The following FREM1 variants were observed in gnomAD, a reference collection of about 807,000 sequenced individuals.
FREM1 encodes FRAS1 related extracellular matrix 1.
A neutral mutation model predicts 210.1 loss-of-function variants in FREM1; 220 were observed. That is an observed-to-expected ratio of 1.05 (90% CI 0.94 to 1.17). The LOEUF is 1.17. FREM1 is among the 50% of genes most tolerant of loss of function. The probability of loss-of-function intolerance (pLI) is 0.00; values close to 1 mark genes in which losing one functional copy is unlikely to be tolerated. For synonymous variants in FREM1, 1,189 were observed against 980.2 expected, an observed-to-expected ratio of 1.21 and a Z score of -3.98; for missense variants, 3,454 against 2,675.5, an observed-to-expected ratio of 1.29 and a Z score of -6.42.
Position 14,806,679 on chromosome 9 carries a change from T to G in FREM1, c.3256A>C (p.Asn1086His). The part of the protein sequence containing the change: ...ILPSVGFEKS[N>H]IGISIDSFQW... The stretch of plus-strand genomic sequence containing the variant: ...AGCTTACCTATACTTATGCCAATAT[T>G]GCTTTTTTCAAAACCCACAGAAGGG... The change falls in exon 18 of 37, where the codon AAT becomes CAT. Residue 1086 changes from asparagine (N) to histidine (H), a missense_variant. Physicochemically the swap from Asn to His is moderately conservative, Grantham distance 68 (BLOSUM62 1). Transcript: ENST00000380880. The G allele has an allele frequency of 1.3e-6, 2 of 1,595,040 alleles. No homozygotes were observed. Among genetic ancestry groups the G allele is most frequent in the Non-Finnish European group, 1.7e-6 (2 of 1,168,506 alleles).
At chr9:14,786,884 G>A (rs1850504061) in intron 23 of FREM1, among the ~76,000 whole-genome samples, 1 of 152,118 alleles carries the variant, frequency 6.6e-6, no homozygotes. Context: ...ATTAGGTGGG[G>A]GAAACACAAA....
intron 24 of FREM1, among the ~76,000 whole-genome samples, chr9:14,780,648 T>G (rs1849515402): frequency 6.6e-6 from 1 of 152,106 alleles, no homozygotes; most frequent in African/African-American, 2.4e-5. Flanking sequence ...AGGTAAAATC[T>G]GACTATTAAA....
At chr9:14,827,675 G>T (rs1822733865) in intron 10 of FREM1, among the ~76,000 whole-genome samples, 1 of 152,172 alleles carries the variant, frequency 6.6e-6, no homozygotes, top group Non-Finnish European at 1.5e-5. Flanking sequence ...TATTTATCAA[G>T]ACAATGGAAA....
At chr9:14,873,967 G>C (rs533564588) in intron 1 of FREM1, among the ~76,000 whole-genome samples, 1 of 152,156 alleles carries the variant, frequency 6.6e-6, no homozygotes, top group Non-Finnish European at 1.5e-5. Context: ...TTTCCATGTA[G>C]TTGAGTGGTT....
chr9:14,768,556 C>T (rs2132451126), intron 27 of FREM1, among the ~76,000 whole-genome samples: 1 of 152,162 alleles, frequency 6.6e-6, no homozygotes, highest in African/African-American at 2.4e-5. Context: ...GTACTGTGCA[C>T]CTGGCATATA....
At chr9:14,860,910 C>CACATATACACATATAT (rs1830087838) in intron 3 of FREM1, among the ~76,000 whole-genome samples, 1 of 63,308 alleles carries the variant, frequency 1.6e-5, no homozygotes, top group Non-Finnish European at 2.7e-5. Context: ...TACACATATA[C>CACATATACACATATAT]ACATATACAC....
chr9:14,776,660 A>G (rs898245398), intron 24 of FREM1, among the ~76,000 whole-genome samples: 4 of 152,216 alleles, frequency 2.6e-5, no homozygotes, highest in South Asian at 2.1e-4. Flanking sequence ...GGCCAATACA[A>G]TAAAGTGCTA....
intron 1 of FREM1, among the ~76,000 whole-genome samples, chr9:14,878,863 A>T (rs1834265184): frequency 1.3e-5 from 2 of 152,150 alleles, no homozygotes; most frequent in South Asian, 4.1e-4. Context: ...AAGAAAAAAC[A>T]AAAACAAAAA....
intron 1 of FREM1, among the ~76,000 whole-genome samples, chr9:14,904,065 T>A (rs1196202389): frequency 7.8e-6 from 1 of 128,824 alleles, no homozygotes; most frequent in Non-Finnish European, 1.5e-5. Flanking sequence ...GAGCTTGCAG[T>A]GAGCCAAGAT....
Position 14,737,378 on chromosome 9 carries a change from C to T in FREM1, c.*18G>A, listed in dbSNP as rs529731974. 1.7e-5 allele frequency: 28 copies of T among 1,602,606 alleles called. 1 individual carries two copies. The South Asian group carries it at 2.6e-4, about 15-fold the overall frequency. ...TAGGTGACAAACTCCAGGTGGCCCC[C>T]TGTAGGGTCTGTTATATTTAGAGTT... is the stretch of plus-strand genomic sequence containing the variant. On this transcript the variant is annotated 3_prime_UTR_variant, in exon 37 of 37. Transcript: ENST00000380880.
chr9:14,829,398 T>C lies in FREM1; in HGVS notation c.1882-4406A>G, dbSNP rs1398791177. On this transcript the variant is annotated intron_variant, in intron 10 of 36. Coordinates refer to ENST00000380880, the MANE Select transcript of FREM1 (RefSeq NM_001379081.2). ...TTTTCTATCTTGGTTGCCATGACTG[T>C]CATCAAATAAAGTCTCTGATATGAA... Among the ~76,000 whole-genome samples, 3 of 152,160 alleles carry C rather than the reference T, an allele frequency of 2.0e-5. No homozygotes were observed. In the East Asian group the frequency reaches 5.8e-4, roughly 29 times the overall value.
At chr9:14,759,345 A>G (rs899479141) in intron 28 of FREM1, among the ~76,000 whole-genome samples, 33 of 151,950 alleles carry the variant, frequency 2.2e-4, no homozygotes, top group Non-Finnish European at 4.6e-4. Context: ...CCCCGTCTCC[A>G]CTAAAAATAC....
intron 30 of FREM1, among the ~76,000 whole-genome samples, chr9:14,749,094 T>C (rs1842920042): frequency 1.3e-5 from 2 of 152,208 alleles, no homozygotes; most frequent in South Asian, 4.1e-4. Context: ...ACTTTTCTCT[T>C]AGTTGCTGTA....
chr9:14,896,454 G>T (rs563131595), intron 1 of FREM1, among the ~76,000 whole-genome samples: 1 of 148,660 alleles, frequency 6.7e-6, no homozygotes, highest in Non-Finnish European at 1.5e-5. Flanking sequence ...TGAGGCAGGA[G>T]AATTGCTTAA....
At chr9:14,864,994 AAT>A (rs1231276960) in intron 2 of FREM1, among the ~76,000 whole-genome samples, 2 of 152,192 alleles carry the variant, frequency 1.3e-5, no homozygotes, top group Non-Finnish European at 2.9e-5. Flanking sequence ...TATGTTTCAT[AAT>A]ATGTTTTCCT....
At chr9:14,897,460 T>C (rs1588651397) in intron 1 of FREM1, among the ~76,000 whole-genome samples, 2 of 129,146 alleles carry the variant, frequency 1.5e-5, no homozygotes, top group African/African-American at 6.7e-5. Flanking sequence ...GACAATTGGT[T>C]GTTGCTTTAC....
intron 2 of FREM1, among the ~76,000 whole-genome samples, chr9:14,868,215 C>T (rs74607206): frequency 0.052 from 7,943 of 152,252 alleles, 297 homozygotes; most frequent in Non-Finnish European, 0.077. Flanking sequence ...ATCTTGATCT[C>T]TTATCCAAAG....
chr9:14,901,760 T>C (rs1374813513), intron 1 of FREM1, among the ~76,000 whole-genome samples: 4 of 152,326 alleles, frequency 2.6e-5, no homozygotes, highest in African/African-American at 9.6e-5. Context: ...ATCTACAATA[T>C]AATTAAATTT....
intron 35 of FREM1, among the ~76,000 whole-genome samples, chr9:14,742,999 T>G (rs963689117): frequency 6.6e-6 from 1 of 152,034 alleles, no homozygotes; most frequent in African/African-American, 2.4e-5. Flanking sequence ...TTAAAATAAA[T>G]CCATAAACTG....
Sources: gnomAD v4.1 joint callset for allele counts (sites outside exome capture counted in the v4.1 genomes callset) on GRCh38, gnomAD v4.1.1 for gene constraint, MANE v1.5 for transcripts, NCBI Gene and HGNC (gene_info 2026-07-23, HGNC 2026-07-21) for gene names.